Variants in FOXJ2 observed in about 807,000 individuals in gnomAD.
FOXJ2 encodes the protein forkhead box protein J2.
FOXJ2 carries 18 observed loss-of-function variants against 68.4 expected under a neutral mutation model. The observed-to-expected ratio is 0.26, with a 90% CI of 0.18 to 0.39. FOXJ2 has a LOEUF of 0.39. FOXJ2 is among the 10% of genes least tolerant of loss of function. The pLI, the probability that FOXJ2 is intolerant of heterozygous loss-of-function variation, is 1.00. For missense variants in FOXJ2, 670 were observed against 726.5 expected, an observed-to-expected ratio of 0.92 and a Z score of 0.89; for synonymous variants, 274 against 263.2, an observed-to-expected ratio of 1.04 and a Z score of -0.40.
chr12:8,036,574 G>T (rs1325652112), intron 1 of FOXJ2, among the ~76,000 whole-genome samples: 3 of 152,128 alleles, frequency 2.0e-5, no homozygotes, highest in Admixed American at 2.0e-4. Context: ...TGGAGAGAGA[G>T]GTCTGGGTAA....
intron 10 of FOXJ2, 31 bp downstream of exon 10, chr12:8,050,651 T>C: frequency 1.2e-6 from 2 of 1,612,268 alleles, no homozygotes; most frequent in Non-Finnish European, 1.7e-6. Flanking sequence ...TTCAAAACCG[T>C]TGTACTCTGA....
intron 9 of FOXJ2, chr12:8,050,266 A>G: frequency 5.1e-6 from 6 of 1,171,556 alleles, no homozygotes; most frequent in Non-Finnish European, 6.4e-6. Flanking sequence ...ATGAGCCACC[A>G]TACCTGGCCC....
At chr12:8,034,413 T>C (rs142904460) in intron 1 of FOXJ2, among the ~76,000 whole-genome samples, 66 of 152,306 alleles carry the variant, frequency 4.3e-4, no homozygotes, top group African/African-American at 1.4e-3. Context: ...TCCTGACATT[T>C]CCATTCCTAG....
chr12:8,034,522 G>A (rs1160365946), intron 1 of FOXJ2, among the ~76,000 whole-genome samples: 1 of 152,140 alleles, frequency 6.6e-6, no homozygotes, highest in Non-Finnish European at 1.5e-5. Flanking sequence ...CAACTCCCGG[G>A]TTAAAGTGCT....
rs775114884 is a variant in FOXJ2, at chr12:8,048,714, T to G, written c.1243T>G (p.Cys415Gly). The G allele has an allele frequency of 6.2e-7, 1 of 1,614,122 alleles. No homozygotes were observed. Among genetic ancestry groups the G allele is most frequent in the South Asian group, 1.1e-5 (1 of 91,082 alleles). Residue 415 changes from cysteine to glycine, a missense_variant, in exon 8 of 11, where the codon TGC becomes GGC. Cys to Gly is a radical substitution (Grantham distance 159). Around this residue, in one of 2 missense-constraint regions of FOXJ2, gnomAD observed 555 missense variants for 562.2 expected, o/e 0.99. Transcript: ENST00000162391. Reference sequence around the variant, plus strand: ...CTTTACAGCCTTTCCTTCTGACTGGTGCTCTAATATTGACTCTTTAAAGGA... The same window carrying G: ...CTTTACAGCCTTTCCTTCTGACTGGGGCTCTAATATTGACTCTTTAAAGGA... ...NTGFAFPSDW[C>G]SNIDSLKESF...
intron 5 of FOXJ2, 58 bp downstream of exon 5, chr12:8,044,149 C>A: frequency 1.4e-6 from 2 of 1,439,502 alleles, no homozygotes; most frequent in Non-Finnish European, 1.8e-6. Context: ...TCAGATGTCT[C>A]CCTGTTTATT....
rs1946858580 is a variant in FOXJ2 at position 8,033,300 on chromosome 12, G to C, written c.-548G>C. On this transcript the variant is annotated 5_prime_UTR_variant, in exon 1 of 11. Coordinates refer to ENST00000162391, the MANE Select transcript of FOXJ2 (RefSeq NM_018416.3). ...CTGTGCCTGTGGAGTAGGCACCCTC[G>C]GCCCACCACTATTCACAGGAGACAG... is the stretch of plus-strand genomic sequence containing the variant. The C allele has an allele frequency of 1.2e-5, 2 of 160,484 alleles. No homozygotes were observed. Among genetic ancestry groups the C allele is most frequent in the Non-Finnish European group, 2.7e-5 (2 of 73,966 alleles). 9.9% of individuals were successfully genotyped at this position (160,484 alleles called of 1,614,324 possible).
rs757440559 is a variant in FOXJ2 at position 8,050,256 on chromosome 12, A to G, written c.1538-266A>G. 23 of 1,105,938 alleles carry G rather than the reference A, an allele frequency of 2.1e-5. No individual in the cohort carries two copies. In the African/African-American group the frequency reaches 2.4e-4, roughly 12 times the overall value. The allele number at this position is 1,105,938 out of a possible 1,614,324, so 68.5% of individuals were successfully genotyped here. A position where few individuals can be genotyped will look rare whatever the true frequency, so the allele number is the denominator to read the frequency against. On this transcript the variant is annotated intron_variant, in intron 9 of 10. Transcript: ENST00000162391. ...TGCCCAAAGTGTTGGGATTACAGGC[A>G]TGAGCCACCATACCTGGCCCTGTGT...
chr12:8,048,117 A>G lies in FOXJ2; in HGVS notation c.1053A>G (p.Gln351=). The change falls in exon 7 of 11, where the codon CAA becomes CAG. Residue 351 remains glutamine, a synonymous_variant. Transcript: ENST00000162391. ...GTTGTACCCCACCAGGGGGAAAGCA[A>G]GCTGGGGCGGAAGGCTATGGGCCTC... ...TDGCTPPGGK[Q]AGAEGYGPPP... 1 of 1,613,114 alleles carries G rather than the reference A, an allele frequency of 6.2e-7. No homozygotes were observed. Among genetic ancestry groups the G allele is most frequent in the Non-Finnish European group, 8.5e-7 (1 of 1,179,434 alleles).
rs1214596572 is a variant in FOXJ2, at chr12:8,035,999, C to T, written c.-15+2166C>T. Among the ~76,000 whole-genome samples the T allele has an allele frequency of 6.6e-6, 1 of 152,218 alleles. No individual in the cohort carries two copies. Among genetic ancestry groups the T allele is most frequent in the Non-Finnish European group, 1.5e-5 (1 of 68,038 alleles). ...AACCACTGCAGGCTTGCTGCTTCCACTTCTACCTCTATAGTCTGTCAGTTT... is the reference window on the plus strand; with the variant it reads ...AACCACTGCAGGCTTGCTGCTTCCATTTCTACCTCTATAGTCTGTCAGTTT... On this transcript the variant is annotated intron_variant, in intron 1 of 10. Coordinates refer to ENST00000162391, the MANE Select transcript of FOXJ2 (RefSeq NM_018416.3). This position sits in a 1 kb window ranked among gnomAD's most constrained non-coding sequence, Gnocchi z 4.0.
Position 8,040,277 on chromosome 12 carries a change from G to T in FOXJ2, c.333+112G>T. On this transcript the variant is annotated intron_variant, in intron 2 of 10. Coordinates refer to ENST00000162391, the MANE Select transcript of FOXJ2 (RefSeq NM_018416.3). The surrounding 1 kb of genome is among the most constrained non-coding windows in gnomAD (Gnocchi z 4.0). Reference sequence around the variant, plus strand: ...TCAGTTTACTCTGGTTTGTCTCAGAGATGTGAAAACTTAAAATCTCATATG... The same window carrying T: ...TCAGTTTACTCTGGTTTGTCTCAGATATGTGAAAACTTAAAATCTCATATG... 8.6e-7 allele frequency: 1 copy of T among 1,165,594 alleles called. No individual in the cohort carries two copies. The highest frequency in any genetic ancestry group is 1.2e-6 in the Non-Finnish European group (1 of 835,190). The allele number at this position is 1,165,594 out of a possible 1,614,324, so 72.2% of individuals were successfully genotyped here. A position where few individuals can be genotyped will look rare whatever the true frequency, so the allele number is the denominator to read the frequency against.
intron 2 of FOXJ2, among the ~76,000 whole-genome samples, chr12:8,041,158 G>A (rs1233591017): frequency 6.6e-6 from 1 of 152,004 alleles, no homozygotes; most frequent in Non-Finnish European, 1.5e-5. Flanking sequence ...AAACCATGTA[G>A]TGAGTTGGAG....
At chr12:8,052,700 G>A in intron 10 of FOXJ2, 62 bp from the exon 11 acceptor site, 1 of 1,415,438 alleles carries the variant, frequency 7.1e-7, no homozygotes, top group East Asian at 2.4e-5. Flanking sequence ...CACTGTCCTT[G>A]TAAATTGAGG....
At chr12:8,051,243 C>T (rs776297456) in intron 10 of FOXJ2, among the ~76,000 whole-genome samples, 1 of 151,732 alleles carries the variant, frequency 6.6e-6, no homozygotes, top group East Asian at 2.0e-4. Flanking sequence ...GATTCTCCTG[C>T]TTGAGCCTCT....
At chr12:8,045,807 G>C (rs867518721) in intron 6 of FOXJ2, among the ~76,000 whole-genome samples, 2 of 151,682 alleles carry the variant, frequency 1.3e-5, no homozygotes, top group Non-Finnish European at 2.9e-5. Flanking sequence ...ACAGGCTCCC[G>C]CCACCACGCC....
At position 8,032,980 on chromosome 12, in the gene FOXJ2, C is replaced by A; in HGVS notation, c.-868C>A. 2.5e-6 allele frequency: 1 copy of A among 396,520 alleles called. No individual in the cohort carries two copies. 24.6% of individuals were successfully genotyped at this position (396,520 alleles called of 1,614,324 possible). A position where few individuals can be genotyped will look rare whatever the true frequency, so the allele number is the denominator to read the frequency against. On this transcript the variant is annotated 5_prime_UTR_variant, in exon 1 of 11. Transcript: ENST00000162391. The surrounding 1 kb of genome is among the most constrained non-coding windows in gnomAD (Gnocchi z 4.8). Reference sequence around the variant, plus strand: ...CAGCCGGGAGTACGAAAGCCCCACCCTCTGGGGCACCCCGGGAGCGGAGGC... The same window carrying A: ...CAGCCGGGAGTACGAAAGCCCCACCATCTGGGGCACCCCGGGAGCGGAGGC...
At position 8,042,513 on chromosome 12, in the gene FOXJ2, T is replaced by C. The variant is rs987601343; in HGVS notation, c.334-145T>C. 5 of 577,048 alleles carry C rather than the reference T, an allele frequency of 8.7e-6. No individual in the cohort carries two copies. In the African/African-American group the frequency reaches 9.4e-5, roughly 11 times the overall value. The allele number at this position is 577,048 out of a possible 1,614,324, so 35.7% of individuals were successfully genotyped here. A position where few individuals can be genotyped will look rare whatever the true frequency, so the allele number is the denominator to read the frequency against. Reference sequence around the variant, plus strand: ...GCTATTTGATGCATAATTCCCTCCATCGGTGTAGTTAAGAGGTACTGAGCT... The same window carrying C: ...GCTATTTGATGCATAATTCCCTCCACCGGTGTAGTTAAGAGGTACTGAGCT... On this transcript the variant is annotated intron_variant, in intron 2 of 10. Coordinates refer to ENST00000162391, the MANE Select transcript of FOXJ2 (RefSeq NM_018416.3).
intron 3 of FOXJ2, 33 bp downstream of exon 3, chr12:8,042,765 G>A: frequency 4.5e-6 from 7 of 1,570,318 alleles, no homozygotes; most frequent in Non-Finnish European, 6.1e-6. Flanking sequence ...GAAAGGAGGA[G>A]TAGGAAGGAG....
At chr12:8,039,621 C>CA (rs1946938464) in intron 1 of FOXJ2, among the ~76,000 whole-genome samples, 198 bp from the exon 2 acceptor site, 2 of 152,132 alleles carry the variant, frequency 1.3e-5, no homozygotes, top group Non-Finnish European at 2.9e-5. Context: ...CCCTGCTCCA[C>CA]AATAAGATGT....
Sources: allele counts gnomAD v4.1 joint callset (sites outside exome capture counted in the v4.1 genomes callset), GRCh38; gene constraint gnomAD v4.1.1; regional missense constraint gnomAD v4.1.1; non-coding constraint Gnocchi (gnomAD v3.1); transcripts MANE v1.5; gene names NCBI Gene and HGNC (gene_info 2026-07-23, HGNC 2026-07-21).